The following SOD2 variants were observed in gnomAD, a reference collection of about 807,000 sequenced individuals.
SOD2 encodes the protein superoxide dismutase 2, also known as superoxide dismutase [Mn], mitochondrial.
SOD2 carries 11 observed loss-of-function variants against 27.0 expected under a neutral mutation model. That is an observed-to-expected ratio of 0.41 (90% CI 0.26 to 0.67). The LOEUF (loss-of-function observed/expected upper bound fraction) is 0.67. SOD2 is among the 30% of genes least tolerant of loss of function. The pLI is 0.34. For synonymous variants in SOD2, 105 were observed against 103.0 expected (o/e 1.02, Z -0.12); for missense variants, 250 against 274.5 (o/e 0.91, Z 0.63).
intron 2 of SOD2, among the ~76,000 whole-genome samples, chr6:159,689,713 A>C (rs963310549): frequency 4.6e-5 from 7 of 152,268 alleles, no homozygotes; most frequent in African/African-American, 1.4e-4. Flanking sequence ...TAATCTCAGC[A>C]CTTTGGGAAG....
At chr6:159,692,422 C>T in intron 2 of SOD2, 1 of 1,403,720 alleles carries the variant, frequency 7.1e-7, no homozygotes. Flanking sequence ...AAGGCAAGCT[C>T]CTTCGCAGGA....
intron 1 of SOD2, among the ~76,000 whole-genome samples, chr6:159,701,588 A>T (rs1200200432): frequency 6.6e-6 from 1 of 150,632 alleles, no homozygotes; most frequent in Non-Finnish European, 1.5e-5. Context: ...AAAAAAAAAA[A>T]AGTCATGGGA....
At chr6:159,727,147 G>T in exon 1 of SOD2, 7 of 1,195,456 alleles carry the variant, frequency 5.9e-6, no homozygotes, top group Middle Eastern at 4.9e-4. Flanking sequence ...CTGAGCTCCG[G>T]GGCCCGCGGA....
intron 1 of SOD2, among the ~76,000 whole-genome samples, chr6:159,735,232 C>T (rs1055741737): frequency 6.6e-6 from 1 of 152,136 alleles, no homozygotes; most frequent in Non-Finnish European, 1.5e-5. Context: ...CCTCCGCCTC[C>T]CAGGTTCAGG....
chr6:159,740,563 A>G (rs977491829), intron 1 of SOD2, among the ~76,000 whole-genome samples: 1 of 152,156 alleles, frequency 6.6e-6, no homozygotes, highest in East Asian at 1.9e-4. Flanking sequence ...ATCTTTCTCT[A>G]TACATCCCCA....
chr6:159,750,748 T>C (rs1213098715), intron 1 of SOD2, among the ~76,000 whole-genome samples: 4 of 151,992 alleles, frequency 2.6e-5, no homozygotes, highest in African/African-American at 9.7e-5. Flanking sequence ...GAATCACTTA[T>C]AAATGGATTT....
intron 1 of SOD2, among the ~76,000 whole-genome samples, chr6:159,739,626 T>C (rs1237399614): frequency 6.6e-6 from 1 of 152,214 alleles, no homozygotes; most frequent in Non-Finnish European, 1.5e-5. Context: ...ATATATTCTT[T>C]CTGTATTTTA....
At chr6:159,727,107 T>G (rs1052752075) in intron 1 of SOD2, 71 of 1,191,994 alleles carry the variant, frequency 6.0e-5, no homozygotes, top group Non-Finnish European at 7.4e-5. Context: ...GGCCCGCCCC[T>G]CCCCTCGGCC....
chr6:159,683,779 A>AT (rs1386149688), intron 4 of SOD2, among the ~76,000 whole-genome samples: 3 of 152,126 alleles, frequency 2.0e-5, no homozygotes, highest in Admixed American at 2.0e-4. Flanking sequence ...GTGCTTACAA[A>AT]TTTTTTGTGG....
chr6:159,762,183 G>C (rs781365110), exon 1 of SOD2: 1 of 1,592,168 alleles, frequency 6.3e-7, no homozygotes. Context: ...CGAGGCGCCT[G>C]CTGCTTCGGC....
chr6:159,741,739 G>A, intron 1 of SOD2: 1 of 183,242 alleles, frequency 5.5e-6, no homozygotes, highest in Non-Finnish European at 1.1e-5. Flanking sequence ...TGTAATTTCA[G>A]CAGTTTGGGA....
chr6:159,688,345 G>T, intron 2 of SOD2, 103 bp from the exon 3 acceptor site: 1 of 715,916 alleles, frequency 1.4e-6, no homozygotes, highest in Non-Finnish European at 2.4e-6. Flanking sequence ...AATGGGACCA[G>T]CTTATCTATA....
chr6:159,743,539 T>TG, intron 1 of SOD2: 1 of 937,384 alleles, frequency 1.1e-6, no homozygotes, highest in South Asian at 2.1e-5. Context: ...TCGCCTGTTA[T>TG]AAAAGTAGTT....
Position 159,688,029 on chromosome 6 carries a change from A to C in SOD2, c.343+97T>G, listed in dbSNP as rs576677184. The C allele has an allele frequency of 3.8e-6, 3 of 783,096 alleles. No individual in the cohort carries two copies. In the African/African-American group the frequency reaches 5.2e-5, roughly 14 times the overall value. The allele number at this position is 783,096 out of a possible 1,614,324, so 48.5% of individuals were successfully genotyped here. A position where few individuals can be genotyped will look rare whatever the true frequency, so the allele number is the denominator to read the frequency against. On this transcript the variant is annotated intron_variant, in intron 3 of 4. Coordinates refer to ENST00000538183, the MANE Select transcript of SOD2 (RefSeq NM_000636.4). ...TCTTGTCTCAAAAAAACAACAACAA[A>C]AAAAACAAAAAACAAGTATAAGGTA...
intron 2 of SOD2, 142 bp from the exon 3 acceptor site, chr6:159,688,384 C>T (rs1424687078): frequency 3.4e-6 from 2 of 594,168 alleles, no homozygotes; most frequent in Non-Finnish European, 6.0e-6. Flanking sequence ...ATTCAGCACC[C>T]CCCCGCCCCA....
At chr6:159,762,209 C>T (rs1039428469) in exon 1 of SOD2, 4 of 1,541,476 alleles carry the variant, frequency 2.6e-6, no homozygotes, top group East Asian at 2.4e-5. Context: ...CGCCGAGGGC[C>T]GGACTTGTGT....
rs55950207 is a variant in SOD2, at chr6:159,721,675, C to CT, written c.-116+5453dup. Among the ~76,000 whole-genome samples the CT allele has an allele frequency of 6.3e-4, 52 of 82,248 alleles. 2 individuals carry two copies. Among genetic ancestry groups the CT allele is most frequent in the East Asian group, 1.3e-3 (3 of 2,256 alleles). 54.0% of individuals were successfully genotyped at this position (82,248 alleles called of 152,430 possible). ...ACAGGCATGAGCCACTGCGGCTGACCTTTTTTTTTTTTTTTTTTTTTTTTG... is the reference window on the plus strand; with the variant it reads ...ACAGGCATGAGCCACTGCGGCTGACCTTTTTTTTTTTTTTTTTTTTTTTTTG... On this transcript the variant is annotated intron_variant, in intron 1 of 2. Coordinates refer to the SOD2 transcript ENST00000401980.
Position 159,688,246 on chromosome 6 carries a change from A to C in SOD2, c.227-4T>G, listed in dbSNP as rs767216819. 2.5e-6 allele frequency: 4 copies of C among 1,569,394 alleles called. No homozygotes were observed. The highest frequency in any genetic ancestry group is 3.5e-6 in the Non-Finnish European group (4 of 1,139,378). On this transcript the variant is annotated splice_region_variant and splice_polypyrimidine_tract_variant and intron_variant, in intron 2 of 4. Transcript: ENST00000538183. ...GCTATCTGGGCTGTAACATCTCCTG[A>C]AAAGTTAAAATGCAAACACATTTTT...
chr6:159,710,952 ACTG>A (rs1247824475), intron 1 of SOD2, among the ~76,000 whole-genome samples: 2 of 109,614 alleles, frequency 1.8e-5, no homozygotes, highest in African/African-American at 5.8e-5. Flanking sequence ...CACCACTCAC[ACTG>A]CTCTGACCTC....
Sources: gnomAD v4.1 joint callset for allele counts (sites outside exome capture counted in the v4.1 genomes callset) on GRCh38, gnomAD v4.1.1 for gene constraint, MANE v1.5 for transcripts, NCBI Gene and HGNC (gene_info 2026-07-23, HGNC 2026-07-21) for gene names.